The following HES7 variants were observed in gnomAD, a reference collection of about 807,000 sequenced individuals.
HES7 encodes the protein transcription factor HES-7.
In HES7, 8 loss-of-function variants were observed where a neutral mutation model predicts 18.0. The ratio of observed to expected loss-of-function variants is 0.45; its 90% CI spans 0.26 to 0.80. The LOEUF is 0.80. Ranked by LOEUF, HES7 falls within the 30% of genes least tolerant of loss-of-function variation. The pLI is 0.18. For synonymous variants in HES7, 170 were observed against 158.6 expected (o/e 1.07, Z -0.54); for missense variants, 356 against 340.9 (o/e 1.04, Z -0.35).
chr17:8,122,249 CCA>C lies in HES7; in HGVS notation c.226+92_226+93del. On this transcript the variant is annotated intron_variant, in intron 3 of 3. Coordinates refer to ENST00000541682, the MANE Select transcript of HES7 (RefSeq NM_001165967.2). The surrounding 1 kb of genome is among the most constrained non-coding windows in gnomAD (Gnocchi z 6.9). ...GAGCAGAACCGGCCACTCCCCAAGC[CCA>C]CCATCCACCGCAGGGCCCGCCCACT... 3 of 1,160,470 alleles carry C rather than the reference CCA, an allele frequency of 2.6e-6. No individual in the cohort carries two copies. The South Asian group carries it at 4.0e-5, about 16-fold the overall frequency. 71.9% of individuals were successfully genotyped at this position (1,160,470 alleles called of 1,614,324 possible).
Position 8,123,205 on chromosome 17 carries a change from T to C in HES7, c.43-79A>G. ...CCGCCCCGGCGTCGGATCCCGCCGC[T>C]GGGAGAGCCCGGCTTCCACCCCGGC... is the stretch of plus-strand genomic sequence containing the variant. On this transcript the variant is annotated intron_variant, in intron 1 of 3. Coordinates refer to ENST00000541682, the MANE Select transcript of HES7 (RefSeq NM_001165967.2). This position sits in a 1 kb window ranked among gnomAD's most constrained non-coding sequence, Gnocchi z 5.9. 3 of 1,161,896 alleles carry C rather than the reference T, an allele frequency of 2.6e-6. No homozygotes were observed. The South Asian group carries it at 3.9e-5, about 15-fold the overall frequency. 72.0% of individuals were successfully genotyped at this position (1,161,896 alleles called of 1,614,324 possible).
upstream of HES7, among the ~76,000 whole-genome samples, chr17:8,126,032 G>A (rs1243488657): frequency 6.2e-5 from 8 of 128,964 alleles, no homozygotes; most frequent in Non-Finnish European, 1.3e-4. Flanking sequence ...CCCTCCCTCC[G>A]TCCCCGGCCC....
At position 8,123,639 on chromosome 17, in the gene HES7, G is replaced by A. The variant is rs1422666204; in HGVS notation, c.42+404C>T. 5.6e-6 allele frequency: 2 copies of A among 357,608 alleles called. No individual in the cohort carries two copies. Among genetic ancestry groups the A allele is most frequent in the Non-Finnish European group, 1.0e-5 (2 of 193,834 alleles). The allele number at this position is 357,608 out of a possible 1,614,324, so 22.2% of individuals were successfully genotyped here. A position where few individuals can be genotyped will look rare whatever the true frequency, so the allele number is the denominator to read the frequency against. On this transcript the variant is annotated intron_variant, in intron 1 of 3. Coordinates refer to ENST00000541682, the MANE Select transcript of HES7 (RefSeq NM_001165967.2). This position sits in a 1 kb window ranked among gnomAD's most constrained non-coding sequence, Gnocchi z 5.9. ...GGGGCCTCTGGAACCAACGCCCCGG[G>A]ACCTTCTGTACAAGACCGCCTTGGG... is the stretch of plus-strand genomic sequence containing the variant.
chr17:8,125,815 C>T (rs998292974), upstream of HES7, among the ~76,000 whole-genome samples: 20 of 152,344 alleles, frequency 1.3e-4, no homozygotes, highest in Admixed American at 1.2e-3. Context: ...CCGGCCAATG[C>T]ACGAGTACAG....
At chr17:8,124,187 C>T, upstream of HES7, 2 of 1,402,906 alleles carry the variant, frequency 1.4e-6, no homozygotes, top group African/African-American at 1.4e-5. Context: ...CCCCCTTCGA[C>T]ATCCAGATTC....
chr17:8,123,915 C>T lies in HES7; in HGVS notation c.42+128G>A, dbSNP rs1981490663. 9.7e-7 allele frequency: 1 copy of T among 1,031,400 alleles called. No individual in the cohort carries two copies. Among genetic ancestry groups the T allele is most frequent in the Non-Finnish European group, 1.5e-6 (1 of 681,584 alleles). 63.9% of individuals were successfully genotyped at this position (1,031,400 alleles called of 1,614,324 possible). Reference sequence around the variant, plus strand: ...GCAGCTTCCTCTCCAGCTTCTGGCTCCTGGAGTTCTGGAGCACCGCTCCCC... The same window carrying T: ...GCAGCTTCCTCTCCAGCTTCTGGCTTCTGGAGTTCTGGAGCACCGCTCCCC... On this transcript the variant is annotated intron_variant, in intron 1 of 3. Transcript: ENST00000541682. The surrounding 1 kb of genome is among the most constrained non-coding windows in gnomAD (Gnocchi z 5.9).
Position 8,122,157 on chromosome 17 carries a change from C to G in HES7, c.227-120G>C. The stretch of plus-strand genomic sequence containing the variant: ...GCACAGAGACAGGAAGCCAGATGGA[C>G]GGAAAGAGGGAGAAAATGAGGGAGA... On this transcript the variant is annotated intron_variant, in intron 3 of 3. Coordinates refer to ENST00000541682, the MANE Select transcript of HES7 (RefSeq NM_001165967.2). The surrounding 1 kb of genome is among the most constrained non-coding windows in gnomAD (Gnocchi z 6.9). The G allele has an allele frequency of 9.9e-7, 1 of 1,008,208 alleles. No individual in the cohort carries two copies. The highest frequency in any genetic ancestry group is 1.4e-6 in the Non-Finnish European group (1 of 704,222). The allele number at this position is 1,008,208 out of a possible 1,614,324, so 62.5% of individuals were successfully genotyped here. A position where few individuals can be genotyped will look rare whatever the true frequency, so the allele number is the denominator to read the frequency against.
chr17:8,121,389 A>C lies in HES7; in HGVS notation c.*182T>G. The C allele has an allele frequency of 2.4e-6, 1 of 418,468 alleles. No individual in the cohort carries two copies. The highest frequency in any genetic ancestry group is 4.1e-6 in the Non-Finnish European group (1 of 246,220). The allele number at this position is 418,468 out of a possible 1,614,324, so 25.9% of individuals were successfully genotyped here. A position where few individuals can be genotyped will look rare whatever the true frequency, so the allele number is the denominator to read the frequency against. ...GTTGGGGCAGGGAAAAGGGACAGGA[A>C]CCAGGGAAATATATATTTATATAGA... On this transcript the variant is annotated 3_prime_UTR_variant, in exon 4 of 4. Transcript: ENST00000541682.
At position 8,123,289 on chromosome 17, in the gene HES7, C is replaced by A. The variant is rs1247366059; in HGVS notation, c.43-163G>T. On this transcript the variant is annotated intron_variant, in intron 1 of 3. Coordinates refer to ENST00000541682, the MANE Select transcript of HES7 (RefSeq NM_001165967.2). The surrounding 1 kb of genome is among the most constrained non-coding windows in gnomAD (Gnocchi z 5.9). ...TTCGATCCCTCTCCGCTCCCCCTCCCAATGCCCCTAGATCAGTTTCTGTAG... is the reference window on the plus strand; with the variant it reads ...TTCGATCCCTCTCCGCTCCCCCTCCAAATGCCCCTAGATCAGTTTCTGTAG... 2.2e-5 allele frequency: 14 copies of A among 644,808 alleles called. No individual in the cohort carries two copies. In the East Asian group the frequency reaches 3.8e-4, roughly 18 times the overall value. The allele number at this position is 644,808 out of a possible 1,614,324, so 39.9% of individuals were successfully genotyped here. A position where few individuals can be genotyped will look rare whatever the true frequency, so the allele number is the denominator to read the frequency against.
rs1339326556 is a variant in HES7, at chr17:8,121,610, C to T, written c.654G>A (p.Pro218=). 12 of 1,309,520 alleles carry T rather than the reference C, an allele frequency of 9.2e-6. No individual in the cohort carries two copies. In the African/African-American group the frequency reaches 1.9e-4, roughly 20 times the overall value. 81.1% of individuals were successfully genotyped at this position (1,309,520 alleles called of 1,614,324 possible). A position where few individuals can be genotyped will look rare whatever the true frequency, so the allele number is the denominator to read the frequency against. ...PHRQDGAPKA[P]LPPPPAFWRP... ...TCCAGAAAGCGGGCGGCGGGGGCAG[C>T]GGGGCCTTGGGCGCCCCGTCTTGTC... The change falls in exon 4 of 4, where the codon CCG becomes CCA. Residue 218 remains proline (P), a synonymous_variant. Transcript: ENST00000541682.
chr17:8,123,043 C>G lies in HES7; in HGVS notation c.126G>C (p.Arg42=). ...LEELRLLLLE[R]TRDQNLRNPK... is the part of the protein sequence containing the mutation. ...CGGAGGGACTGACCTGGTCCCGGGT[C>G]CGCTCCAGCAGCAGCAGCCTCAGCT... Residue 42 remains arginine, a synonymous_variant, in exon 2 of 4, where the codon CGG becomes CGC. Coordinates refer to ENST00000541682, the MANE Select transcript of HES7 (RefSeq NM_001165967.2). The surrounding 1 kb of genome is among the most constrained non-coding windows in gnomAD (Gnocchi z 5.9). The G allele has an allele frequency of 3.1e-6, 5 of 1,600,096 alleles. No individual in the cohort carries two copies. The highest frequency in any genetic ancestry group is 4.3e-6 in the Non-Finnish European group (5 of 1,173,638).
Position 8,123,181 on chromosome 17 carries a change from C to T in HES7, c.43-55G>A. On this transcript the variant is annotated intron_variant, in intron 1 of 3. Coordinates refer to ENST00000541682, the MANE Select transcript of HES7 (RefSeq NM_001165967.2). The surrounding 1 kb of genome is among the most constrained non-coding windows in gnomAD (Gnocchi z 5.9). The stretch of plus-strand genomic sequence containing the variant: ...CGACCAGACCGAGACTCAGTGCGGC[C>T]GCCCCGGCGTCGGATCCCGCCGCTG... The T allele has an allele frequency of 7.0e-7, 1 of 1,423,710 alleles. No homozygotes were observed. Among genetic ancestry groups the T allele is most frequent in the Non-Finnish European group, 9.7e-7 (1 of 1,035,814 alleles). 88.2% of individuals were successfully genotyped at this position (1,423,710 alleles called of 1,614,324 possible).
chr17:8,123,762 A>G lies in HES7; in HGVS notation c.42+281T>C, dbSNP rs1448182989. ...CCTTGGCTCTGCCCTCTAATTGCTT[A>G]TTTTACTCCAACACCGGCCCCCTCC... On this transcript the variant is annotated intron_variant, in intron 1 of 3. Transcript: ENST00000541682. This position sits in a 1 kb window ranked among gnomAD's most constrained non-coding sequence, Gnocchi z 5.9. Among the ~76,000 whole-genome samples the G allele has an allele frequency of 6.6e-6, 1 of 151,772 alleles. No homozygotes were observed. The highest frequency in any genetic ancestry group is 1.5e-5 in the Non-Finnish European group (1 of 67,942).
Position 8,122,212 on chromosome 17 carries a change from A to T in HES7, c.226+131T>A. The T allele has an allele frequency of 1.1e-6, 1 of 930,834 alleles. No homozygotes were observed. The highest frequency in any genetic ancestry group is 1.6e-6 in the Non-Finnish European group (1 of 613,582). 57.7% of individuals were successfully genotyped at this position (930,834 alleles called of 1,614,324 possible). On this transcript the variant is annotated intron_variant, in intron 3 of 3. Coordinates refer to ENST00000541682, the MANE Select transcript of HES7 (RefSeq NM_001165967.2). The surrounding 1 kb of genome is among the most constrained non-coding windows in gnomAD (Gnocchi z 6.9). Reference sequence around the variant, plus strand: ...GAGACAGACACGCGCGGGTGTTATTAACCTCGCCTCGGAGCAGAACCGGCC... The same window carrying T: ...GAGACAGACACGCGCGGGTGTTATTTACCTCGCCTCGGAGCAGAACCGGCC...
chr17:8,125,818 G>A (rs556121319), upstream of HES7, among the ~76,000 whole-genome samples: 33 of 152,338 alleles, frequency 2.2e-4, no homozygotes, highest in East Asian at 1.2e-3. Flanking sequence ...GCCAATGCAC[G>A]AGTACAGTTT....
Position 8,123,368 on chromosome 17 carries a change from C to A in HES7, c.43-242G>T. 1.7e-6 allele frequency: 1 copy of A among 586,392 alleles called. No homozygotes were observed. Among genetic ancestry groups the A allele is most frequent in the Non-Finnish European group, 3.1e-6 (1 of 327,438 alleles). 36.3% of individuals were successfully genotyped at this position (586,392 alleles called of 1,614,324 possible). ...TCTCTCAGTCTCGTCCTCCCTCCTC[C>A]CCTCTCTGTGTCTCTCCTCCTCTTT... On this transcript the variant is annotated intron_variant, in intron 1 of 3. Transcript: ENST00000541682. This position sits in a 1 kb window ranked among gnomAD's most constrained non-coding sequence, Gnocchi z 5.9.
chr17:8,124,023 C>T lies in HES7; in HGVS notation c.42+20G>A. 6.2e-7 allele frequency: 1 copy of T among 1,613,714 alleles called. No individual in the cohort carries two copies. The highest frequency in any genetic ancestry group is 1.3e-5 in the African/African-American group (1 of 75,066). On this transcript the variant is annotated intron_variant, in intron 1 of 3. Transcript: ENST00000541682. Reference sequence around the variant, plus strand: ...CTAGCCAAACCAGGGACCTCTGCTCCCTCCCCTCCCGCCTCTCACCTTGGG... The same window carrying T: ...CTAGCCAAACCAGGGACCTCTGCTCTCTCCCCTCCCGCCTCTCACCTTGGG...
At chr17:8,124,805 G>A (rs916488108), upstream of HES7, among the ~76,000 whole-genome samples, 5 of 152,172 alleles carry the variant, frequency 3.3e-5, no homozygotes, top group Admixed American at 6.5e-5. Flanking sequence ...TAGGTGCTCC[G>A]GGAAAAGGTC....
upstream of HES7, among the ~76,000 whole-genome samples, chr17:8,125,819 A>G (rs570332456): frequency 9.8e-5 from 15 of 152,320 alleles, no homozygotes; most frequent in South Asian, 2.5e-3. Context: ...CCAATGCACG[A>G]GTACAGTTTT....
Sources: allele counts gnomAD v4.1 joint callset (sites outside exome capture counted in the v4.1 genomes callset), GRCh38; gene constraint gnomAD v4.1.1; non-coding constraint Gnocchi (gnomAD v3.1); transcripts MANE v1.5; gene names NCBI Gene and HGNC (gene_info 2026-07-23, HGNC 2026-07-21).